Variants in ZNF804B observed in about 807,000 individuals in gnomAD.
ZNF804B encodes the protein zinc finger 804B.
A neutral mutation model predicts 101.4 loss-of-function variants in ZNF804B; 80 were observed. That is an observed-to-expected ratio of 0.79 (90% CI 0.66 to 0.95). ZNF804B has a LOEUF of 0.95. Among genes scored for constraint, ZNF804B ranks in the 40% least tolerant of loss-of-function variants. The probability of loss-of-function intolerance (pLI) is 0.00; values close to 1 mark genes in which losing one functional copy is unlikely to be tolerated. For synonymous variants in ZNF804B, 622 were observed against 558.8 expected, an observed-to-expected ratio of 1.11 and a Z score of -1.59; for missense variants, 1,673 against 1,561.9, an observed-to-expected ratio of 1.07 and a Z score of -1.20.
At chr7:89,149,547 T>C (rs1481440563) in intron 1 of ZNF804B, among the ~76,000 whole-genome samples, 2 of 152,086 alleles carry the variant, frequency 1.3e-5, no homozygotes, top group African/African-American at 4.8e-5. Flanking sequence ...GCAGTTTTAT[T>C]TCATCAACTA....
At chr7:88,955,291 TAA>T (rs1793288549) in intron 1 of ZNF804B, among the ~76,000 whole-genome samples, 1 of 151,702 alleles carries the variant, frequency 6.6e-6, no homozygotes, top group South Asian at 2.1e-4. Flanking sequence ...CTTTTTACTA[TAA>T]AGAGTAGCTA....
chr7:89,188,907 T>C (rs1788414849), intron 1 of ZNF804B, among the ~76,000 whole-genome samples: 1 of 152,146 alleles, frequency 6.6e-6, no homozygotes, highest in Non-Finnish European at 1.5e-5. Flanking sequence ...TACAAGGTGA[T>C]GATGTAGAAA....
At chr7:89,280,675 G>T (rs942947129) in intron 2 of ZNF804B, among the ~76,000 whole-genome samples, 6 of 152,082 alleles carry the variant, frequency 3.9e-5, no homozygotes, top group Non-Finnish European at 7.4e-5. Flanking sequence ...TAAATTCCTC[G>T]ACACATACAC....
intron 1 of ZNF804B, among the ~76,000 whole-genome samples, chr7:88,840,340 T>A (rs1179152788): frequency 1.3e-5 from 2 of 152,144 alleles, no homozygotes; most frequent in Non-Finnish European, 2.9e-5. Context: ...TATTACCGGG[T>A]CCTCTGCTAA....
chr7:88,869,840 C>G (rs962439003), intron 1 of ZNF804B, among the ~76,000 whole-genome samples: 1 of 152,150 alleles, frequency 6.6e-6, no homozygotes, highest in Non-Finnish European at 1.5e-5. Context: ...CCAAGGAGGA[C>G]AAGCAAGTGC....
intron 1 of ZNF804B, among the ~76,000 whole-genome samples, chr7:88,829,481 ATCCTAT>A (rs1458046260): frequency 6.6e-6 from 1 of 152,150 alleles, no homozygotes; most frequent in Non-Finnish European, 1.5e-5. Context: ...AACCAATGTG[ATCCTAT>A]TAAAGGGAAA....
intron 1 of ZNF804B, among the ~76,000 whole-genome samples, chr7:88,860,701 A>T (rs569123290): frequency 6.6e-6 from 1 of 152,294 alleles, no homozygotes; most frequent in East Asian, 1.9e-4. Flanking sequence ...GAAAAGAAGG[A>T]ACTTGATACA....
chr7:88,843,864 G>T (rs1481682390), intron 1 of ZNF804B, among the ~76,000 whole-genome samples: 1 of 152,042 alleles, frequency 6.6e-6, no homozygotes, highest in Non-Finnish European at 1.5e-5. Flanking sequence ...TATGCAAAAA[G>T]ATCCCTATTG....
intron 1 of ZNF804B, among the ~76,000 whole-genome samples, chr7:89,098,017 C>T (rs1218212068): frequency 6.6e-6 from 1 of 152,080 alleles, no homozygotes; most frequent in East Asian, 1.9e-4. Context: ...ATGTTTAGCA[C>T]ATTCTTATCG....
intron 1 of ZNF804B, among the ~76,000 whole-genome samples, chr7:89,041,906 G>T (rs555678926): frequency 9.2e-5 from 14 of 152,220 alleles, no homozygotes; most frequent in African/African-American, 3.4e-4. Flanking sequence ...TTCTGTAAGG[G>T]AATCAGCACT....
intron 1 of ZNF804B, among the ~76,000 whole-genome samples, chr7:89,056,698 A>T (rs1381209864): frequency 6.6e-6 from 1 of 152,146 alleles, no homozygotes; most frequent in East Asian, 1.9e-4. Context: ...ACCTGTCACA[A>T]CAAGGTTGGA....
At chr7:89,278,022 A>G (rs1790017376) in intron 2 of ZNF804B, among the ~76,000 whole-genome samples, 1 of 152,050 alleles carries the variant, frequency 6.6e-6, no homozygotes, top group Non-Finnish European at 1.5e-5. Context: ...TTGTTTCCTG[A>G]CTTTGTAATG....
intron 1 of ZNF804B, among the ~76,000 whole-genome samples, chr7:88,853,747 T>C (rs1040028382): frequency 4.6e-5 from 7 of 152,102 alleles, no homozygotes; most frequent in Non-Finnish European, 7.4e-5. Context: ...AAATTTTGGC[T>C]AAAAATTTCA....
intron 1 of ZNF804B, among the ~76,000 whole-genome samples, chr7:89,049,832 T>G (rs528683841): frequency 6.6e-6 from 1 of 152,092 alleles, no homozygotes; most frequent in South Asian, 2.1e-4. Flanking sequence ...GCCAACATGG[T>G]GAAACTTCAT....
intron 1 of ZNF804B, among the ~76,000 whole-genome samples, chr7:88,972,770 G>A (rs1793556450): frequency 6.6e-6 from 1 of 151,030 alleles, no homozygotes; most frequent in African/African-American, 2.4e-5. Context: ...AGAACTCCAA[G>A]GGTTCCATAA....
Position 89,336,335 on chromosome 7 carries a change from A to G in ZNF804B, c.3353A>G (p.Tyr1118Cys), listed in dbSNP as rs1383615986. 3.1e-6 allele frequency: 5 copies of G among 1,613,868 alleles called. No homozygotes were observed. Among genetic ancestry groups the G allele is most frequent in the Middle Eastern group, 1.6e-4 (1 of 6,084 alleles). The change falls in exon 4 of 4, where the codon TAT (tyrosine) becomes TGT (cysteine). Residue 1118 changes from tyrosine (Y) to cysteine (C), a missense_variant. Tyr to Cys is a radical substitution (Grantham distance 194). Coordinates refer to ENST00000333190, the MANE Select transcript of ZNF804B (RefSeq NM_181646.5). The part of the protein sequence containing the change: ...NHVEGNINSY[Y>C]DRTMQKPDKV... ...GTAGAGGGAAATATAAACTCTTACT[A>G]TGACAGAACTATGCAGAAACCTGAC...
intron 1 of ZNF804B, among the ~76,000 whole-genome samples, chr7:89,007,516 A>ATCAACC (rs1562857868): frequency 2.9e-4 from 2 of 6,864 alleles, no homozygotes; most frequent in Admixed American, 1.1e-3. Context: ...ATAATTATAT[A>ATCAACC]TAATATAATA....
chr7:89,228,935 G>T (rs1213585993), intron 2 of ZNF804B, among the ~76,000 whole-genome samples: 1 of 152,182 alleles, frequency 6.6e-6, no homozygotes, highest in Non-Finnish European at 1.5e-5. Context: ...AGCTAAGGCC[G>T]GGGGAGAAAT....
chr7:89,191,028 G>A (rs1259289054), intron 1 of ZNF804B, among the ~76,000 whole-genome samples: 2 of 152,046 alleles, frequency 1.3e-5, no homozygotes, highest in Admixed American at 6.6e-5. Context: ...TCAGTGATCT[G>A]CAACTGAACC....
Sources: allele counts gnomAD v4.1 joint callset (sites outside exome capture counted in the v4.1 genomes callset), GRCh38; gene constraint gnomAD v4.1.1; transcripts MANE v1.5; gene names NCBI Gene and HGNC (gene_info 2026-07-23, HGNC 2026-07-21).